The following DLG2 variants were observed in gnomAD, a reference collection of about 807,000 sequenced individuals.
DLG2 encodes the protein disks large homolog 2.
Under a neutral mutation model 132.5 loss-of-function variants are expected in DLG2, and 45 were observed. The observed-to-expected ratio is 0.34, with a 90% confidence interval of 0.27 to 0.44. The LOEUF is 0.44. Ranked by LOEUF, DLG2 falls within the 20% of genes least tolerant of loss-of-function variation. DLG2 has a pLI of 1.00. For missense variants in DLG2, 1,045 were observed against 1,196.9 expected, an observed-to-expected ratio of 0.87 and a Z score of 1.87; for synonymous variants, 424 against 419.6, an observed-to-expected ratio of 1.01 and a Z score of -0.13.
intron 11 of DLG2, among the ~76,000 whole-genome samples, chr11:84,007,953 A>G (rs1267187024): frequency 6.6e-6 from 1 of 151,792 alleles, no homozygotes; most frequent in Non-Finnish European, 1.5e-5. Context: ...ATTTTCTTTC[A>G]AGATTGTAAT....
chr11:84,256,796 AG>A (rs1479358975), intron 7 of DLG2, among the ~76,000 whole-genome samples: 1 of 152,148 alleles, frequency 6.6e-6, no homozygotes, highest in Non-Finnish European at 1.5e-5. Context: ...TTTGAAAATG[AG>A]TCCTGTATGT....
chr11:83,644,221 T>C (rs1324881649), intron 18 of DLG2, among the ~76,000 whole-genome samples: 3 of 152,126 alleles, frequency 2.0e-5, no homozygotes, highest in Non-Finnish European at 4.4e-5. Context: ...TGAAGAACAT[T>C]GCAGGTACCT....
chr11:84,501,128 T>G (rs1490877021), intron 7 of DLG2, among the ~76,000 whole-genome samples: 1 of 152,236 alleles, frequency 6.6e-6, no homozygotes, highest in Non-Finnish European at 1.5e-5. Context: ...TTTCTACTCT[T>G]ATACTTCTTC....
chr11:83,830,432 A>AT (rs1339458430), intron 17 of DLG2, among the ~76,000 whole-genome samples: 1 of 152,188 alleles, frequency 6.6e-6, no homozygotes, highest in Non-Finnish European at 1.5e-5. Flanking sequence ...GGCTTGGTGG[A>AT]TTTTTTATTT....
chr11:84,006,645 T>C (rs1015046198), intron 11 of DLG2, among the ~76,000 whole-genome samples: 11 of 151,594 alleles, frequency 7.3e-5, no homozygotes, highest in Admixed American at 2.6e-4. Context: ...ACGTACCCCA[T>C]AAAGATGTAA....
chr11:83,632,904 C>T (rs954204538), intron 19 of DLG2: 2 of 312,776 alleles, frequency 6.4e-6, no homozygotes, highest in South Asian at 4.5e-5. Flanking sequence ...TCCACATATG[C>T]CATTTAAGAT....
At chr11:84,973,155 C>T (rs770747822) in intron 6 of DLG2, among the ~76,000 whole-genome samples, 5 of 151,876 alleles carry the variant, frequency 3.3e-5, no homozygotes, top group Admixed American at 6.6e-5. Context: ...GACGGGGTTT[C>T]GCCATGTTGG....
chr11:85,200,808 CCA>C (rs2081402358), intron 4 of DLG2, among the ~76,000 whole-genome samples: 1 of 152,194 alleles, frequency 6.6e-6, no homozygotes, highest in South Asian at 2.1e-4. Flanking sequence ...AGCTCCAGCC[CCA>C]GTCTGCTGCA....
rs531500728 is a variant in DLG2 at position 84,364,995 on chromosome 11, T to A, written c.520-113704A>T. On this transcript the variant is annotated intron_variant, in intron 7 of 27. Transcript: ENST00000376104. The stretch of plus-strand genomic sequence containing the variant: ...TCTCTTTTTTGGTTGTGTCTCTGCC[T>A]GGCTTTGGTATCAGGATGATGCTGG... 1.8e-4 allele frequency among the ~76,000 whole-genome samples: 27 copies of A among 151,978 alleles called. No individual in the cohort carries two copies. In the South Asian group the frequency reaches 2.9e-3, roughly 16 times the overall value.
At chr11:85,191,199 C>CACACACACACAG (rs879835737) in intron 4 of DLG2, among the ~76,000 whole-genome samples, 3 of 151,082 alleles carry the variant, frequency 2.0e-5, no homozygotes, top group Non-Finnish European at 4.4e-5. Context: ...CACACACACA[C>CACACACACACAG]ACACACGTTT....
intron 7 of DLG2, chr11:84,317,421 T>A: frequency 8.1e-7 from 1 of 1,235,286 alleles, no homozygotes; most frequent in South Asian, 2.0e-5. Flanking sequence ...AAGCAATCAA[T>A]GCTCCACACA....
Position 85,176,719 on chromosome 11 carries a change from G to A in DLG2, c.187-22068C>T, listed in dbSNP as rs192910329. ...AATTTTTGCAAACTATCCATCTGACGAAGGTCTAATATCTAGAGTTTACAT... is the reference window on the plus strand; with the variant it reads ...AATTTTTGCAAACTATCCATCTGACAAAGGTCTAATATCTAGAGTTTACAT... On this transcript the variant is annotated intron_variant, in intron 4 of 27. Coordinates refer to ENST00000376104, the MANE Select transcript of DLG2 (RefSeq NM_001142699.3). Among the ~76,000 whole-genome samples, 99 of 152,092 alleles carry A rather than the reference G, an allele frequency of 6.5e-4. 1 individual carries two copies. Among genetic ancestry groups the A allele is most frequent in the African/African-American group, 2.2e-3 (90 of 41,516 alleles).
intron 6 of DLG2, among the ~76,000 whole-genome samples, chr11:84,821,782 A>G (rs970622195): frequency 7.9e-5 from 12 of 151,858 alleles, no homozygotes; most frequent in African/African-American, 2.9e-4. Flanking sequence ...AGTTAGAAAC[A>G]TAAAAGAAAA....
At chr11:84,347,820 A>T (rs1273645358) in intron 7 of DLG2, among the ~76,000 whole-genome samples, 1 of 152,140 alleles carries the variant, frequency 6.6e-6, no homozygotes, top group Non-Finnish European at 1.5e-5. Flanking sequence ...AATAATGTTT[A>T]TTTGTCACTC....
chr11:84,957,633 A>T (rs1200291319), intron 6 of DLG2, among the ~76,000 whole-genome samples: 2 of 152,196 alleles, frequency 1.3e-5, no homozygotes, highest in African/African-American at 2.4e-5. Flanking sequence ...TGTTTTATCC[A>T]TTTATTACAT....
At chr11:85,477,151 C>T (rs184494984) in intron 3 of DLG2, among the ~76,000 whole-genome samples, 4 of 152,218 alleles carry the variant, frequency 2.6e-5, no homozygotes, top group East Asian at 1.9e-4. Flanking sequence ...TTCACCAAAA[C>T]GTCATTATGG....
chr11:85,194,097 G>C (rs549097266), intron 4 of DLG2, among the ~76,000 whole-genome samples: 1 of 152,356 alleles, frequency 6.6e-6, no homozygotes, highest in Admixed American at 6.5e-5. Flanking sequence ...GGGGATGAGA[G>C]GAGTGTTTAA....
intron 6 of DLG2, among the ~76,000 whole-genome samples, chr11:84,839,802 A>G (rs1025453937): frequency 1.3e-5 from 2 of 152,170 alleles, no homozygotes; most frequent in Non-Finnish European, 2.9e-5. Context: ...GAAAGCTGAA[A>G]CTGGATCCCT....
intron 11 of DLG2, among the ~76,000 whole-genome samples, chr11:83,981,660 C>T (rs2092790890): frequency 6.6e-6 from 1 of 152,084 alleles, no homozygotes; most frequent in Non-Finnish European, 1.5e-5. Context: ...TGGTCTTGAA[C>T]TCCTGACCTC....
Sources: allele counts gnomAD v4.1 joint callset (sites outside exome capture counted in the v4.1 genomes callset), GRCh38; gene constraint gnomAD v4.1.1; transcripts MANE v1.5; gene names NCBI Gene and HGNC (gene_info 2026-07-23, HGNC 2026-07-21).